The following ASXL2 variants were observed in gnomAD, a reference collection of about 807,000 sequenced individuals.
ASXL2 encodes the protein ASXL transcriptional regulator 2.
Under a neutral mutation model 122.0 loss-of-function variants are expected in ASXL2, and 23 were observed. That is an observed-to-expected ratio of 0.19 (90% CI 0.14 to 0.27). ASXL2 has a LOEUF of 0.27. Ranked by LOEUF, ASXL2 falls within the 10% of genes least tolerant of loss-of-function variation. ASXL2 has a pLI of 1.00. For synonymous variants in ASXL2, 650 were observed against 637.0 expected, an observed-to-expected ratio of 1.02 and a Z score of -0.31; for missense variants, 1,518 against 1,713.8, an observed-to-expected ratio of 0.89 and a Z score of 2.02.
chr2:25,743,452 A>G lies in ASXL2; in HGVS notation c.2885T>C (p.Val962Ala). The change falls in exon 13 of 13, where the codon GTT (valine) becomes GCT (alanine). Residue 962 changes from valine to alanine, a missense_variant. This residue lies in a region of ASXL2 where 831 missense variants were observed against 833.1 expected (regional missense o/e 1.00). Coordinates refer to ENST00000435504, the MANE Select transcript of ASXL2 (RefSeq NM_018263.6). The stretch of plus-strand genomic sequence containing the variant: ...TTTAGGCAGAATTTGCTCCATGGGA[A>G]CATCTTTGCCTTGAAGCAGCTGAGT... The part of the protein sequence containing the change: ...LVTQLLQGKD[V>A]PMEQILPKPL... 1 of 1,613,868 alleles carries G rather than the reference A, an allele frequency of 6.2e-7. No homozygotes were observed. Among genetic ancestry groups the G allele is most frequent in the East Asian group, 2.2e-5 (1 of 44,884 alleles).
chr2:25,776,863 C>A (rs959306686), intron 5 of ASXL2, among the ~76,000 whole-genome samples: 3 of 152,130 alleles, frequency 2.0e-5, no homozygotes, highest in Non-Finnish European at 4.4e-5. Context: ...TACTCTGCAG[C>A]CCAGAAAAGT....
chr2:25,812,020 TG>T, intron 3 of ASXL2, among the ~76,000 whole-genome samples: 1 of 152,082 alleles, frequency 6.6e-6, no homozygotes, highest in East Asian at 1.9e-4. Flanking sequence ...CCCAAAGTGC[TG>T]GGATTACAGG....
intron 5 of ASXL2, among the ~76,000 whole-genome samples, chr2:25,796,660 T>G (rs773450683): frequency 1.6e-4 from 25 of 152,210 alleles, no homozygotes; most frequent in Non-Finnish European, 2.4e-4. Flanking sequence ...TGTTTGCTAG[T>G]AGAAATGAAA....
In ASXL2 at chr2:25,736,831, A is replaced by G. The variant is rs1349429817; in HGVS notation, c.*5198T>C. ...TAACAATTTTTCTTTTAGGTCATCA[A>G]TGATTCGATATATTATTCATTTGTT... On this transcript the variant is annotated 3_prime_UTR_variant, in exon 13 of 13. Transcript: ENST00000435504. 1.3e-5 allele frequency: 2 copies of G among 152,202 alleles called. No homozygotes were observed. The highest frequency in any genetic ancestry group is 6.6e-5 in the Admixed American group (1 of 15,266). The allele number at this position is 152,202 out of a possible 1,614,324, so 9.4% of individuals were successfully genotyped here. A position where few individuals can be genotyped will look rare whatever the true frequency, so the allele number is the denominator to read the frequency against.
chr2:25,833,048 A>T lies in ASXL2; in HGVS notation c.143+2490T>A, dbSNP rs75451818. On this transcript the variant is annotated intron_variant, in intron 3 of 12. Coordinates refer to ENST00000435504, the MANE Select transcript of ASXL2 (RefSeq NM_018263.6). ...GGGGCAAGGGGTACTAGGGAAGTAC[A>T]TGTGGTTTTAAAAGGGGAACACAAG... 8.5e-3 allele frequency among the ~76,000 whole-genome samples: 1,297 copies of T among 152,332 alleles called. 20 individuals are homozygous for T. Among genetic ancestry groups the T allele is most frequent in the African/African-American group, 0.029 (1,214 of 41,578 alleles).
chr2:25,740,603 CAGTCACTAG>C lies in ASXL2; in HGVS notation c.*1417_*1425del. On this transcript the variant is annotated 3_prime_UTR_variant, in exon 13 of 13. Coordinates refer to ENST00000435504, the MANE Select transcript of ASXL2 (RefSeq NM_018263.6). ...AAATATTATGTACTCACAATTTCTT[CAGTCACTAG>C]AGAAGGATTTAAAAACAAAAAAGGA... The C allele has an allele frequency of 4.4e-6, 1 of 229,564 alleles. No homozygotes were observed. The highest frequency in any genetic ancestry group is 8.6e-6 in the Non-Finnish European group (1 of 115,856). 14.2% of individuals were successfully genotyped at this position (229,564 alleles called of 1,614,324 possible). A position where few individuals can be genotyped will look rare whatever the true frequency, so the allele number is the denominator to read the frequency against.
chr2:25,869,684 G>A (rs949717558), intron 1 of ASXL2, among the ~76,000 whole-genome samples: 4 of 151,942 alleles, frequency 2.6e-5, no homozygotes, highest in African/African-American at 9.7e-5. Flanking sequence ...AGGCATGGTG[G>A]CGTGCGCCTG....
intron 2 of ASXL2, among the ~76,000 whole-genome samples, chr2:25,835,757 T>C (rs191411735): frequency 3.9e-5 from 6 of 152,176 alleles, no homozygotes; most frequent in Non-Finnish European, 5.9e-5. Context: ...TAAACAAATT[T>C]AGCTAAACAG....
chr2:25,860,542 G>A (rs1198474008), intron 1 of ASXL2, among the ~76,000 whole-genome samples: 5 of 150,234 alleles, frequency 3.3e-5, no homozygotes, highest in Non-Finnish European at 7.4e-5. Context: ...GTGAAACCCC[G>A]TACCTACTAA....
At chr2:25,784,206 C>T (rs2088698897) in intron 5 of ASXL2, among the ~76,000 whole-genome samples, 1 of 151,942 alleles carries the variant, frequency 6.6e-6, no homozygotes, top group Admixed American at 6.6e-5. Flanking sequence ...GAGTTGTGAT[C>T]ACGCCACTGC....
intron 3 of ASXL2, among the ~76,000 whole-genome samples, chr2:25,818,448 T>C (rs542150489): frequency 6.6e-6 from 1 of 152,202 alleles, no homozygotes; most frequent in South Asian, 2.1e-4. Flanking sequence ...GAGGTAGAGG[T>C]TGCAGTAAGC....
At chr2:25,797,541 T>C (rs1343109384) in intron 5 of ASXL2, among the ~76,000 whole-genome samples, 1 of 152,112 alleles carries the variant, frequency 6.6e-6, no homozygotes, top group Non-Finnish European at 1.5e-5. Flanking sequence ...AGCTCAACAA[T>C]AAGAAAACAC....
chr2:25,823,226 TGCA>T (rs1490702804), intron 3 of ASXL2, among the ~76,000 whole-genome samples: 1 of 152,262 alleles, frequency 6.6e-6, no homozygotes, highest in Non-Finnish European at 1.5e-5. Flanking sequence ...AGGCAATTGA[TGCA>T]GCAGTTGTGA....
chr2:25,747,758 A>G (rs2087965638), intron 12 of ASXL2, among the ~76,000 whole-genome samples: 1 of 152,200 alleles, frequency 6.6e-6, no homozygotes, highest in South Asian at 2.1e-4. Flanking sequence ...TATAAGAAAG[A>G]ATAGTAAAAG....
chr2:25,848,775 G>A (rs995368445), intron 1 of ASXL2, among the ~76,000 whole-genome samples: 2 of 151,852 alleles, frequency 1.3e-5, no homozygotes, highest in Admixed American at 6.6e-5. Flanking sequence ...GCCGGGCACC[G>A]TGACTCAGGC....
At chr2:25,843,829 A>AAAAAAAAAG (rs1553704936) in intron 2 of ASXL2, among the ~76,000 whole-genome samples, 1 of 151,162 alleles carries the variant, frequency 6.6e-6, no homozygotes, top group Non-Finnish European at 1.5e-5. Context: ...AAAAAAAAAA[A>AAAAAAAAAG]AAAGAAAGAA....
intron 1 of ASXL2, among the ~76,000 whole-genome samples, chr2:25,866,633 C>T (rs1254097734): frequency 6.6e-6 from 1 of 152,218 alleles, no homozygotes; most frequent in African/African-American, 2.4e-5. Context: ...CACATCTGTT[C>T]TCAAGGTATG....
At chr2:25,792,000 A>G (rs539434852) in intron 5 of ASXL2, among the ~76,000 whole-genome samples, 2 of 152,030 alleles carry the variant, frequency 1.3e-5, no homozygotes, top group Admixed American at 6.5e-5. Context: ...TTGCTTGTTT[A>G]TTCATTCATT....
rs1237981917 is a variant in ASXL2 at position 25,744,520 on chromosome 2, A to G, written c.1861-44T>C. 1 of 1,538,422 alleles carries G rather than the reference A, an allele frequency of 6.5e-7. No individual in the cohort carries two copies. Among genetic ancestry groups the G allele is most frequent in the South Asian group, 1.2e-5 (1 of 81,674 alleles). On this transcript the variant is annotated intron_variant, in intron 12 of 12. Coordinates refer to ENST00000435504, the MANE Select transcript of ASXL2 (RefSeq NM_018263.6). This position sits in a 1 kb window ranked among gnomAD's most constrained non-coding sequence, Gnocchi z 4.7. ...AAAAAAACAACAGAGCTTAGTTTTC[A>G]TTTGTAAGAATAACAAAACTTCATT...
Sources: allele counts gnomAD v4.1 joint callset (sites outside exome capture counted in the v4.1 genomes callset), GRCh38; gene constraint gnomAD v4.1.1; regional missense constraint gnomAD v4.1.1; non-coding constraint Gnocchi (gnomAD v3.1); transcripts MANE v1.5; gene names NCBI Gene and HGNC (gene_info 2026-07-23, HGNC 2026-07-21).